USP15: variants seen among roughly 807,000 people sequenced by gnomAD.
USP15 encodes the protein ubiquitin specific peptidase 15.
USP15 carries 18 observed loss-of-function variants against 127.1 expected under a neutral mutation model. That is an observed-to-expected ratio of 0.14 (90% CI 0.10 to 0.21). The LOEUF (loss-of-function observed/expected upper bound fraction) is 0.21, where lower values mean the gene tolerates loss of function less well. Among genes scored for constraint, USP15 ranks in the 10% least tolerant of loss-of-function variants. USP15 has a pLI of 1.00. For synonymous variants in USP15, 364 were observed against 393.7 expected (o/e 0.92, Z 0.89); for missense variants, 805 against 1,159.9 (o/e 0.69, Z 4.44).
At chr12:62,308,996 T>C (rs574706786) in intron 3 of USP15, among the ~76,000 whole-genome samples, 6 of 152,244 alleles carry the variant, frequency 3.9e-5, no homozygotes, top group African/African-American at 1.4e-4. Context: ...ATTTTATAGC[T>C]TCAGTGCAAA....
At chr12:62,341,456 G>A (rs578061835) in intron 6 of USP15, among the ~76,000 whole-genome samples, 2 of 152,212 alleles carry the variant, frequency 1.3e-5, no homozygotes, top group South Asian at 4.1e-4. Context: ...ATTAGTTGAT[G>A]CAGTTTCTTC....
chr12:62,267,741 T>C (rs73135240), intron 1 of USP15, among the ~76,000 whole-genome samples: 16,292 of 152,124 alleles, frequency 0.11, 936 homozygotes, highest in Middle Eastern at 0.17. Context: ...AGTTCAAGGG[T>C]GGCTCTGAGG....
At chr12:62,402,344 A>G (rs2137673064) in intron 21 of USP15, among the ~76,000 whole-genome samples, 1 of 152,152 alleles carries the variant, frequency 6.6e-6, no homozygotes, top group East Asian at 1.9e-4. Context: ...TCTCTGATTT[A>G]TAAACCAAAG....
intron 3 of USP15, among the ~76,000 whole-genome samples, chr12:62,314,507 T>G (rs2064775799): frequency 6.6e-6 from 1 of 151,942 alleles, no homozygotes; most frequent in Non-Finnish European, 1.5e-5. Flanking sequence ...TATGGTGTAC[T>G]AGTGTATCTT....
At chr12:62,363,936 G>A (rs2066395405) in intron 8 of USP15, among the ~76,000 whole-genome samples, 1 of 152,110 alleles carries the variant, frequency 6.6e-6, no homozygotes, top group Non-Finnish European at 1.5e-5. Context: ...AGTAAATTTG[G>A]GGTGGGGAGG....
At chr12:62,284,575 T>C (rs2063737792) in intron 1 of USP15, among the ~76,000 whole-genome samples, 1 of 152,216 alleles carries the variant, frequency 6.6e-6, no homozygotes, top group Admixed American at 6.5e-5. Flanking sequence ...GTGCTATATA[T>C]GGTAAGCATA....
Position 62,384,289 on chromosome 12 carries a change from C to A in USP15, c.1460C>A (p.Thr487Asn). The change falls in exon 11 of 22, where the codon ACC (threonine) becomes AAC (asparagine). Residue 487 changes from threonine (T) to asparagine (N), a missense_variant. Thr to Asn is a moderately conservative substitution (Grantham distance 65). Transcript: ENST00000280377. ...TACTTAGTTAGAATGGATCCACTTA[C>A]CAAACCTATGCAGGTAAATCATGGG... ...EVYLVRMDPL[T>N]KPMQYKVVVP... 6.2e-7 allele frequency: 1 copy of A among 1,604,976 alleles called. No individual in the cohort carries two copies. The highest frequency in any genetic ancestry group is 1.1e-5 in the South Asian group (1 of 90,514).
chr12:62,289,697 TTGTGTGTGTGTGTGTGTG>T (rs71450579), intron 1 of USP15, among the ~76,000 whole-genome samples: 12 of 135,430 alleles, frequency 8.9e-5, no homozygotes, highest in African/African-American at 2.8e-4. Flanking sequence ...GGTTGTTAAT[TTGTGTGTGTGTGTGTGTG>T]TGTGTGTGTG....
In USP15 at chr12:62,342,925, G is replaced by A. The variant is rs141791644; in HGVS notation, c.684-6296G>A. Among the ~76,000 whole-genome samples, 252 of 152,296 alleles carry A rather than the reference G, an allele frequency of 1.7e-3. 3 individuals are homozygous for A. The highest frequency in any genetic ancestry group is 5.8e-3 in the African/African-American group (240 of 41,584). ...GCCTGTCCCTTAGCAGAGCTGGTAC[G>A]CTGTGCTGGGAGAATCCCCCTTGTC... On this transcript the variant is annotated intron_variant, in intron 6 of 21. Coordinates refer to ENST00000280377, the MANE Select transcript of USP15 (RefSeq NM_001252078.2).
intron 19 of USP15, chr12:62,393,734 C>T (rs1043229467): frequency 2.0e-5 from 3 of 152,262 alleles, no homozygotes; most frequent in African/African-American, 7.2e-5. Flanking sequence ...GGATTATAGC[C>T]ACCCGCCATC....
At chr12:62,352,751 A>G (rs1461347496) in intron 7 of USP15, among the ~76,000 whole-genome samples, 1 of 151,960 alleles carries the variant, frequency 6.6e-6, no homozygotes. Context: ...GGATTAAATT[A>G]TATATTTATA....
intron 8 of USP15, among the ~76,000 whole-genome samples, chr12:62,377,727 C>T (rs1460154451): frequency 7.5e-6 from 1 of 133,386 alleles, no homozygotes; most frequent in African/African-American, 2.8e-5. Flanking sequence ...ATTCCATCTC[C>T]AAAAAAAAAA....
chr12:62,390,814 GTTT>G, intron 14 of USP15, 47 bp from the exon 15 acceptor site: 1 of 1,388,380 alleles, frequency 7.2e-7, no homozygotes, highest in Middle Eastern at 1.8e-4. Context: ...CTTTTTAAAA[GTTT>G]TTATCTTTGT....
intron 4 of USP15, among the ~76,000 whole-genome samples, chr12:62,320,671 C>T (rs961834022): frequency 1.6e-4 from 24 of 151,948 alleles, no homozygotes; most frequent in Non-Finnish European, 3.1e-4. Flanking sequence ...ACATTAGCTG[C>T]TAAGTAGATA....
intron 1 of USP15, among the ~76,000 whole-genome samples, chr12:62,288,445 G>C (rs983854165): frequency 2.9e-5 from 4 of 136,804 alleles, no homozygotes; most frequent in Non-Finnish European, 4.6e-5. Context: ...TCTGGTTTTT[G>C]TAAGTTGATT....
At position 62,391,445 on chromosome 12, in the gene USP15, A is replaced by G; in HGVS notation, c.2233+16A>G. On this transcript the variant is annotated intron_variant, in intron 16 of 21. Transcript: ENST00000280377. ...AGGCTAGATGGTAAGTATTTGTGAA[A>G]AATGGCTTGAACATTAAACAAGCCG... 1 of 1,588,336 alleles carries G rather than the reference A, an allele frequency of 6.3e-7. No individual in the cohort carries two copies. The highest frequency in any genetic ancestry group is 8.5e-7 in the Non-Finnish European group (1 of 1,172,854).
At chr12:62,335,694 T>G in intron 6 of USP15, 1 of 985,788 alleles carries the variant, frequency 1.0e-6, no homozygotes, top group Non-Finnish European at 1.2e-6. Context: ...ACTTCCTCCA[T>G]TTACCATCCT....
intron 1 of USP15, among the ~76,000 whole-genome samples, chr12:62,270,937 A>AC (rs1294220309): frequency 6.6e-6 from 1 of 151,852 alleles, no homozygotes; most frequent in Non-Finnish European, 1.5e-5. Flanking sequence ...TTCGAAATCT[A>AC]CCCCATCTCT....
chr12:62,342,505 C>T (rs907554449), intron 6 of USP15, among the ~76,000 whole-genome samples: 1 of 152,142 alleles, frequency 6.6e-6, no homozygotes, highest in Admixed American at 6.5e-5. Context: ...TTGGAATTTT[C>T]AGCGTTTTTG....
Sources: allele counts gnomAD v4.1 joint callset (sites outside exome capture counted in the v4.1 genomes callset), GRCh38; gene constraint gnomAD v4.1.1; transcripts MANE v1.5; gene names NCBI Gene and HGNC (gene_info 2026-07-23, HGNC 2026-07-21).